Variants in MGAT5B observed in about 807,000 individuals in gnomAD.
The protein encoded by MGAT5B is alpha-1,6-mannosylglycoprotein 6-beta-N-acetylglucosaminyltransferase B.
Under a neutral mutation model 95.1 loss-of-function variants are expected in MGAT5B, and 54 were observed. That is an observed-to-expected ratio of 0.57 (90% CI 0.46 to 0.71). The LOEUF (loss-of-function observed/expected upper bound fraction) is 0.71. Ranked by LOEUF, MGAT5B falls within the 30% of genes least tolerant of loss-of-function variation. MGAT5B has a pLI of 0.00. For missense variants in MGAT5B, 935 were observed against 1,088.6 expected (o/e 0.86, Z 1.99); for synonymous variants, 464 against 451.0 (o/e 1.03, Z -0.36).
At position 76,946,222 on chromosome 17, in the gene MGAT5B, G is replaced by C. The variant is rs1167844892; in HGVS notation, c.1849-154G>C. On this transcript the variant is annotated intron_variant, in intron 15 of 17. Coordinates refer to ENST00000569840, the MANE Select transcript of MGAT5B (RefSeq NM_001199172.2). ...GTGCGGGGAACGGGGACTCTGAGCT[G>C]GGTGGAAGGGCCAGGTGGATGGGGT... 1.0e-5 allele frequency: 6 copies of C among 587,450 alleles called. No individual in the cohort carries two copies. The Admixed American group carries it at 1.9e-4, about 19-fold the overall frequency. The allele number at this position is 587,450 out of a possible 1,614,324, so 36.4% of individuals were successfully genotyped here. A position where few individuals can be genotyped will look rare whatever the true frequency, so the allele number is the denominator to read the frequency against.
rs1969331555 is a variant in MGAT5B, at chr17:76,926,874, TCTC to T, written c.1291+147_1291+149del. 3 of 1,010,794 alleles carry T rather than the reference TCTC, an allele frequency of 3.0e-6. No individual in the cohort carries two copies. The African/African-American group carries it at 4.8e-5, about 16-fold the overall frequency. The allele number at this position is 1,010,794 out of a possible 1,614,324, so 62.6% of individuals were successfully genotyped here. ...TGGTGGGACCCAGCAAGCATCGCCT[TCTC>T]CTGCTCCATAAGTGTGTGAACCAGG... On this transcript the variant is annotated intron_variant, in intron 10 of 17. Coordinates refer to ENST00000569840, the MANE Select transcript of MGAT5B (RefSeq NM_001199172.2).
chr17:76,896,751 A>G (rs1406160365), intron 3 of MGAT5B, among the ~76,000 whole-genome samples: 3 of 152,130 alleles, frequency 2.0e-5, no homozygotes, highest in Admixed American at 2.0e-4. Context: ...ATCTCTGGCT[A>G]ATGTGGAGAG....
In MGAT5B at chr17:76,949,107, C is replaced by G; in HGVS notation, c.*269C>G. On this transcript the variant is annotated 3_prime_UTR_variant, in exon 18 of 18. Transcript: ENST00000569840. ...GTGGCCAAGCAGGTGTCGGACTGCT[C>G]AGAGTCCGCATGGCCCAGGAGCAGG... 1 of 521,368 alleles carries G rather than the reference C, an allele frequency of 1.9e-6. No individual in the cohort carries two copies. The highest frequency in any genetic ancestry group is 3.4e-6 in the Non-Finnish European group (1 of 290,712). The allele number at this position is 521,368 out of a possible 1,614,324, so 32.3% of individuals were successfully genotyped here.
chr17:76,932,466 T>G (rs1270864656), intron 10 of MGAT5B, among the ~76,000 whole-genome samples, 179 bp from the exon 11 acceptor site: 1 of 151,888 alleles, frequency 6.6e-6, no homozygotes, highest in East Asian at 1.9e-4. Context: ...TTTGTAGCAG[T>G]CTCCGGGAAG....
Position 76,940,200 on chromosome 17 carries a change from G to C in MGAT5B, c.1585-202G>C, listed in dbSNP as rs1398559280. Reference sequence around the variant, plus strand: ...AAACTGAGGCCCAGAGAGGGGAAGTGCTTGCCCGTGGCACAAGATGTTCTG... The same window carrying C: ...AAACTGAGGCCCAGAGAGGGGAAGTCCTTGCCCGTGGCACAAGATGTTCTG... On this transcript the variant is annotated intron_variant, in intron 13 of 17. Coordinates refer to ENST00000569840, the MANE Select transcript of MGAT5B (RefSeq NM_001199172.2). The surrounding 1 kb of genome is among the most constrained non-coding windows in gnomAD (Gnocchi z 4.3). Among the ~76,000 whole-genome samples, 4 of 152,186 alleles carry C rather than the reference G, an allele frequency of 2.6e-5. No individual in the cohort carries two copies. Among genetic ancestry groups the C allele is most frequent in the Non-Finnish European group, 4.4e-5 (3 of 68,036 alleles).
At chr17:76,877,676 G>A (rs1043253863) in intron 2 of MGAT5B, among the ~76,000 whole-genome samples, 4 of 152,158 alleles carry the variant, frequency 2.6e-5, no homozygotes, top group African/African-American at 7.2e-5. Flanking sequence ...TGGTTTCTGC[G>A]GTGAGCGAGT....
At chr17:76,901,100 G>A (rs1421471451) in intron 3 of MGAT5B, among the ~76,000 whole-genome samples, 1 of 152,178 alleles carries the variant, frequency 6.6e-6, no homozygotes, top group African/African-American at 2.4e-5. Flanking sequence ...ATGTGTATGG[G>A]GCCACTGCCC....
rs562073765 is a variant in MGAT5B, at chr17:76,939,750, A to G, written c.1585-652A>G. ...CATAAGTACCCAATGTTCAGCTCCCACTTATAAGTGAGAATATGCGGTATT... is the reference window on the plus strand; with the variant it reads ...CATAAGTACCCAATGTTCAGCTCCCGCTTATAAGTGAGAATATGCGGTATT... On this transcript the variant is annotated intron_variant, in intron 13 of 17. Coordinates refer to ENST00000569840, the MANE Select transcript of MGAT5B (RefSeq NM_001199172.2). Among the ~76,000 whole-genome samples the G allele has an allele frequency of 5.9e-5, 9 of 152,154 alleles. No homozygotes were observed. The South Asian group carries it at 1.9e-3, about 32-fold the overall frequency.
intron 3 of MGAT5B, among the ~76,000 whole-genome samples, chr17:76,892,767 T>A (rs1267501120): frequency 1.3e-5 from 2 of 152,152 alleles, no homozygotes; most frequent in Non-Finnish European, 2.9e-5. Flanking sequence ...CACACATGCG[T>A]GTTGCCAGCC....
chr17:76,872,714 C>T, intron 1 of MGAT5B, 137 bp from the exon 2 acceptor site: 1 of 1,555,478 alleles, frequency 6.4e-7, no homozygotes, highest in Non-Finnish European at 8.7e-7. Context: ...TGGAGCTCAG[C>T]CCCCATCCTT....
chr17:76,899,490 A>C (rs569068437), intron 3 of MGAT5B, among the ~76,000 whole-genome samples: 1 of 152,200 alleles, frequency 6.6e-6, no homozygotes, highest in Non-Finnish European at 1.5e-5. Context: ...AAAAAAAATT[A>C]GCCGGACGTG....
intron 3 of MGAT5B, among the ~76,000 whole-genome samples, chr17:76,885,205 G>A (rs1967578844): frequency 6.6e-6 from 1 of 152,150 alleles, no homozygotes; most frequent in Non-Finnish European, 1.5e-5. Context: ...TTTCCTCTCT[G>A]TGTGCATGGA....
intron 2 of MGAT5B, among the ~76,000 whole-genome samples, chr17:76,879,311 G>A (rs1967317494): frequency 6.6e-6 from 1 of 152,192 alleles, no homozygotes; most frequent in African/African-American, 2.4e-5. Context: ...CACCCCAAAA[G>A]CCACGCTGTG....
intron 12 of MGAT5B, among the ~76,000 whole-genome samples, chr17:76,935,734 A>G (rs181616382): frequency 6.8e-6 from 1 of 146,334 alleles, no homozygotes; most frequent in Non-Finnish European, 1.5e-5. Context: ...TCTCGTATCA[A>G]ATATATGCTT....
rs142380258 is a variant in MGAT5B, at chr17:76,876,092, C to T, written c.181+3129C>T. The stretch of plus-strand genomic sequence containing the variant: ...CATACCCTTGGATCAAGCTAATCTG[C>T]TTGGGCAGACCCAAGGCAGGGACTC... On this transcript the variant is annotated intron_variant, in intron 2 of 17. Coordinates refer to ENST00000569840, the MANE Select transcript of MGAT5B (RefSeq NM_001199172.2). Among the ~76,000 whole-genome samples, 1,148 of 152,294 alleles carry T rather than the reference C, an allele frequency of 7.5e-3. 16 individuals carry two copies. The highest frequency in any genetic ancestry group is 0.026 in the African/African-American group (1,080 of 41,560).
intron 10 of MGAT5B, among the ~76,000 whole-genome samples, chr17:76,929,614 A>G (rs1969419490): frequency 6.6e-6 from 1 of 152,212 alleles, no homozygotes; most frequent in Non-Finnish European, 1.5e-5. Context: ...AGGTCCTCAG[A>G]GAACATTAAT....
chr17:76,892,949 A>T (rs1698900814), intron 3 of MGAT5B, among the ~76,000 whole-genome samples: 1 of 152,070 alleles, frequency 6.6e-6, no homozygotes, highest in Non-Finnish European at 1.5e-5. Context: ...GTAGAAAAGG[A>T]CACTCTTATC....
intron 3 of MGAT5B, among the ~76,000 whole-genome samples, chr17:76,887,720 A>T (rs1598906819): frequency 6.7e-6 from 1 of 149,410 alleles, no homozygotes. Context: ...TGCCCGGCTA[A>T]TTTTTTTTGT....
At chr17:76,888,225 G>T (rs560006373) in intron 3 of MGAT5B, among the ~76,000 whole-genome samples, 1 of 152,218 alleles carries the variant, frequency 6.6e-6, no homozygotes, top group East Asian at 1.9e-4. Flanking sequence ...AGGGTGGGGA[G>T]CTCTGGATGG....
Sources: allele counts gnomAD v4.1 joint callset (sites outside exome capture counted in the v4.1 genomes callset), GRCh38; gene constraint gnomAD v4.1.1; non-coding constraint Gnocchi (gnomAD v3.1); transcripts MANE v1.5; gene names NCBI Gene and HGNC (gene_info 2026-07-23, HGNC 2026-07-21).